The following SLC13A5 variants were observed in gnomAD, a reference collection of about 807,000 sequenced individuals.
The protein encoded by SLC13A5 is Na(+)/citrate cotransporter.
A neutral mutation model predicts 56.5 loss-of-function variants in SLC13A5; 25 were observed. The ratio of observed to expected loss-of-function variants is 0.44; its 90% CI spans 0.32 to 0.62. The LOEUF (loss-of-function observed/expected upper bound fraction) is 0.62, where lower values mean the gene tolerates loss of function less well. SLC13A5 is among the 20% of genes least tolerant of loss of function. SLC13A5 has a pLI of 0.04. For synonymous variants in SLC13A5, 307 were observed against 301.5 expected, an observed-to-expected ratio of 1.02 and a Z score of -0.19; for missense variants, 649 against 737.8, an observed-to-expected ratio of 0.88 and a Z score of 1.39.
Position 6,701,762 on chromosome 17 carries a change from G to GA in SLC13A5, c.717-637dup, listed in dbSNP as rs1216888734. 6.6e-6 allele frequency among the ~76,000 whole-genome samples: 1 copy of GA among 152,228 alleles called. No homozygotes were observed. The highest frequency in any genetic ancestry group is 1.5e-5 in the Non-Finnish European group (1 of 68,040). ...TTATACACATGCATGTAATTTGGCT[G>GA]ACATCTTTGGGGATCTGCAGAGACC... On this transcript the variant is annotated intron_variant, in intron 5 of 11. Coordinates refer to ENST00000433363, the MANE Select transcript of SLC13A5 (RefSeq NM_177550.5). The surrounding 1 kb of genome is among the most constrained non-coding windows in gnomAD (Gnocchi z 4.1).
At position 6,703,902 on chromosome 17, in the gene SLC13A5, T is replaced by C. The variant is rs753368006; in HGVS notation, c.523A>G (p.Lys175Glu). Reference sequence around the variant, plus strand: ...CCTGGCAGCTCCTTGGCCTTGCCCTTGTCCACCAGCTCCAGGCCGGCCTCG... The same window carrying C: ...CCTGGCAGCTCCTTGGCCTTGCCCTCGTCCACCAGCTCCAGGCCGGCCTCG... ...ATEAGLELVDKGKAKELPGSQ... is the reference protein window; with the variant it reads ...ATEAGLELVDEGKAKELPGSQ... Residue 175 changes from lysine (K) to glutamate (E), a missense_variant, in exon 4 of 12, where the codon AAG (lysine) becomes GAG (glutamate). Coordinates refer to ENST00000433363, the MANE Select transcript of SLC13A5 (RefSeq NM_177550.5). The C allele has an allele frequency of 3.2e-6, 5 of 1,570,872 alleles. No homozygotes were observed. The highest frequency in any genetic ancestry group is 2.3e-5 in the East Asian group (1 of 44,440).
rs1176183465 is a variant in SLC13A5, at chr17:6,711,645, GTGTGTGTC to G, written c.102+1579_102+1586del. 6.6e-6 allele frequency among the ~76,000 whole-genome samples: 1 copy of G among 151,014 alleles called. No homozygotes were observed. Among genetic ancestry groups the G allele is most frequent in the Non-Finnish European group, 1.5e-5 (1 of 67,692 alleles). ...GTGTTTGTGTTTGTGCGTGTGTTTT[GTGTGTGTC>G]TGTGTGTTTGTGTGTGTGTCTGTGT... On this transcript the variant is annotated intron_variant, in intron 1 of 11. Coordinates refer to ENST00000433363, the MANE Select transcript of SLC13A5 (RefSeq NM_177550.5). The surrounding 1 kb of genome is among the most constrained non-coding windows in gnomAD (Gnocchi z 4.0).
At chr17:6,706,848 T>A (rs763133553) in intron 2 of SLC13A5, 70 bp from the exon 3 acceptor site, 32 of 1,594,468 alleles carry the variant, frequency 2.0e-5, no homozygotes, top group Admixed American at 1.2e-4. Context: ...AGTCCCCAGA[T>A]GCTGACTTCA....
chr17:6,703,796 A>G (rs1973784258), intron 4 of SLC13A5, 82 bp downstream of exon 4: 1 of 1,400,572 alleles, frequency 7.1e-7, no homozygotes, highest in Non-Finnish European at 9.5e-7. Context: ...AGACAGGGAG[A>G]AGGAGGTGGC....
chr17:6,691,090 C>G (rs892217682), intron 9 of SLC13A5, 150 bp from the exon 10 acceptor site: 1 of 860,888 alleles, frequency 1.2e-6, no homozygotes, highest in Non-Finnish European at 1.7e-6. Context: ...TCATCCCCGT[C>G]CTCACTCTGC....
At chr17:6,704,285 G>A (rs531289666) in intron 3 of SLC13A5, 1 of 673,230 alleles carries the variant, frequency 1.5e-6, no homozygotes, top group Non-Finnish European at 2.7e-6. Context: ...CCACACCCAT[G>A]ACTGATGTCT....
At chr17:6,697,608 C>A (rs969010215) in intron 6 of SLC13A5, among the ~76,000 whole-genome samples, 6 of 152,230 alleles carry the variant, frequency 3.9e-5, no homozygotes, top group Non-Finnish European at 7.3e-5. Context: ...CACCATGATG[C>A]ACCATGGTGA....
chr17:6,699,149 G>A (rs1254870100), intron 6 of SLC13A5, among the ~76,000 whole-genome samples: 1 of 151,992 alleles, frequency 6.6e-6, no homozygotes, highest in Non-Finnish European at 1.5e-5. Context: ...TCTGGCACAT[G>A]ATGAGCACTC....
intron 4 of SLC13A5, 78 bp downstream of exon 4, chr17:6,703,800 A>G: frequency 7.1e-7 from 1 of 1,415,428 alleles, no homozygotes; most frequent in East Asian, 2.3e-5. Flanking sequence ...AGGGAGAAGG[A>G]GGTGGCCAAA....
Position 6,687,391 on chromosome 17 carries a change from A to G in SLC13A5, c.1575+138T>C. The G allele has an allele frequency of 8.7e-7, 1 of 1,146,198 alleles. No individual in the cohort carries two copies. Among genetic ancestry groups the G allele is most frequent in the Non-Finnish European group, 1.3e-6 (1 of 791,832 alleles). 71.0% of individuals were successfully genotyped at this position (1,146,198 alleles called of 1,614,324 possible). A position where few individuals can be genotyped will look rare whatever the true frequency, so the allele number is the denominator to read the frequency against. On this transcript the variant is annotated intron_variant, in intron 11 of 11. Transcript: ENST00000433363. The surrounding 1 kb of genome is among the most constrained non-coding windows in gnomAD (Gnocchi z 5.0). ...AAAAGCTGCATTATAAATGTCAACA[A>G]TGGCTACAGGTCTGGATGTTCCGTG...
chr17:6,692,262 T>TGGATGGATGGATGGAC lies in SLC13A5; in HGVS notation c.1275+766_1275+781dup, dbSNP rs1210429778. On this transcript the variant is annotated intron_variant, in intron 9 of 11. Coordinates refer to ENST00000433363, the MANE Select transcript of SLC13A5 (RefSeq NM_177550.5). The surrounding 1 kb of genome is among the most constrained non-coding windows in gnomAD (Gnocchi z 5.5). ...ATGGATGGATGGATGGATGGATGGA[T>TGGATGGATGGATGGAC]GGATGGATGGATGGACGGATGGACG... is the stretch of plus-strand genomic sequence containing the variant. Among the ~76,000 whole-genome samples, 2 of 151,218 alleles carry TGGATGGATGGATGGAC rather than the reference T, an allele frequency of 1.3e-5. No homozygotes were observed. Among genetic ancestry groups the TGGATGGATGGATGGAC allele is most frequent in the Admixed American group, 6.6e-5 (1 of 15,182 alleles).
In SLC13A5 at chr17:6,701,008, A is replaced by C; in HGVS notation, c.835T>G (p.Phe279Val). 1.2e-6 allele frequency: 2 copies of C among 1,614,196 alleles called. No homozygotes were observed. Among genetic ancestry groups the C allele is most frequent in the Non-Finnish European group, 1.7e-6 (2 of 1,180,034 alleles). ...CTGTGAGCAGCTCAAACTTACTTGA[A>C]TCTCATGTAAACAAACTGGAGCCAC... is the stretch of plus-strand genomic sequence containing the variant. The part of the protein sequence containing the change: ...WLWLQFVYMR[F>V]NFKKSWGCGL... The change falls in exon 6 of 12, where the codon TTC becomes GTC. Residue 279 changes from phenylalanine (F) to valine (V), a missense_variant. Coordinates refer to ENST00000433363, the MANE Select transcript of SLC13A5 (RefSeq NM_177550.5). This position sits in a 1 kb window ranked among gnomAD's most constrained non-coding sequence, Gnocchi z 4.1.
intron 6 of SLC13A5, among the ~76,000 whole-genome samples, chr17:6,699,593 C>T (rs1597667170): frequency 6.6e-6 from 1 of 152,194 alleles, no homozygotes; most frequent in East Asian, 1.9e-4. Flanking sequence ...GCCTCAGCCT[C>T]CCAAGTAGCT....
intron 1 of SLC13A5, among the ~76,000 whole-genome samples, chr17:6,707,778 C>A (rs979712248): frequency 6.6e-6 from 1 of 151,010 alleles, no homozygotes; most frequent in African/African-American, 2.4e-5. Context: ...ATAGCGTGGT[C>A]GAATGGATAC....
Position 6,707,823 on chromosome 17 carries a change from G to A in SLC13A5, c.103-667C>T, listed in dbSNP as rs531111585. Reference sequence around the variant, plus strand: ...AGAAGCAGACAGGGTGGGATAGGAGGGAGGGATTAAAATCTCAGACTTCAC... The same window carrying A: ...AGAAGCAGACAGGGTGGGATAGGAGAGAGGGATTAAAATCTCAGACTTCAC... On this transcript the variant is annotated intron_variant, in intron 1 of 11. Transcript: ENST00000433363. 2.6e-5 allele frequency among the ~76,000 whole-genome samples: 4 copies of A among 152,160 alleles called. No individual in the cohort carries two copies. In the East Asian group the frequency reaches 7.7e-4, roughly 29 times the overall value.
intron 9 of SLC13A5, among the ~76,000 whole-genome samples, chr17:6,691,286 C>T (rs2048154054): frequency 6.6e-6 from 1 of 152,208 alleles, no homozygotes; most frequent in African/African-American, 2.4e-5. Flanking sequence ...GGTGAATGGA[C>T]TCACCATCCA....
intron 6 of SLC13A5, among the ~76,000 whole-genome samples, chr17:6,698,660 C>T (rs888194756): frequency 2.0e-5 from 3 of 152,222 alleles, no homozygotes; most frequent in African/African-American, 7.2e-5. Context: ...CATCACCTCT[C>T]CATGCCTCAG....
rs1567627872 is a variant in SLC13A5 at position 6,711,719 on chromosome 17, G to A, written c.102+1513C>T. 6.6e-6 allele frequency among the ~76,000 whole-genome samples: 1 copy of A among 151,348 alleles called. No homozygotes were observed. The highest frequency in any genetic ancestry group is 6.6e-5 in the Admixed American group (1 of 15,162). On this transcript the variant is annotated intron_variant, in intron 1 of 11. Transcript: ENST00000433363. The surrounding 1 kb of genome is among the most constrained non-coding windows in gnomAD (Gnocchi z 4.0). Reference sequence around the variant, plus strand: ...TGTGTGTGAGAGAGAGAGTGTGTATGTGTGTGTGTGTGAGTGGGGTCTCCT... The same window carrying A: ...TGTGTGTGAGAGAGAGAGTGTGTATATGTGTGTGTGTGAGTGGGGTCTCCT...
rs1973293538 is a variant in SLC13A5, at chr17:6,687,899, T to A, written c.1438-233A>T. The A allele has an allele frequency of 2.2e-6, 1 of 445,126 alleles. No individual in the cohort carries two copies. The highest frequency in any genetic ancestry group is 4.2e-5 in the East Asian group (1 of 23,936). 27.6% of individuals were successfully genotyped at this position (445,126 alleles called of 1,614,324 possible). On this transcript the variant is annotated intron_variant, in intron 10 of 11. Transcript: ENST00000433363. The surrounding 1 kb of genome is among the most constrained non-coding windows in gnomAD (Gnocchi z 5.0). ...CCTTACCCCCTCAATTCATTCGACA[T>A]GTATTTCTTGGGCACCTACTATGTG...
Sources: allele counts gnomAD v4.1 joint callset (sites outside exome capture counted in the v4.1 genomes callset), GRCh38; gene constraint gnomAD v4.1.1; non-coding constraint Gnocchi (gnomAD v3.1); transcripts MANE v1.5; gene names NCBI Gene and HGNC (gene_info 2026-07-23, HGNC 2026-07-21).